Variants in TPTE observed in about 807,000 individuals in gnomAD.
TPTE encodes the protein putative tyrosine-protein phosphatase TPTE.
Under a neutral mutation model 84.1 loss-of-function variants are expected in TPTE, and 59 were observed. The ratio of observed to expected loss-of-function variants is 0.70; its 90% CI spans 0.57 to 0.87. TPTE has a LOEUF of 0.87. Ranked by LOEUF, TPTE falls within the 40% of genes least tolerant of loss-of-function variation. The pLI is 0.00. For missense variants in TPTE, 382 were observed against 659.6 expected (o/e 0.58, Z 4.61); for synonymous variants, 130 against 223.5 (o/e 0.58, Z 3.73).
intron 18 of TPTE, 113 bp from the exon 19 acceptor site, chr21:10,592,180 A>C: frequency 1.3e-6 from 2 of 1,549,742 alleles, no homozygotes; most frequent in Non-Finnish European, 1.8e-6. Flanking sequence ...CAAACAAACA[A>C]ACAAAATCAC....
intron 10 of TPTE, among the ~76,000 whole-genome samples, chr21:10,562,450 T>C (rs1483419606): frequency 6.6e-6 from 1 of 152,312 alleles, no homozygotes; most frequent in African/African-American, 2.4e-5. Flanking sequence ...AACAGAGATA[T>C]GTGACCTTTC....
At chr21:10,555,879 C>A (rs1333406369) in intron 8 of TPTE, among the ~76,000 whole-genome samples, 1 of 152,310 alleles carries the variant, frequency 6.6e-6, no homozygotes, top group Non-Finnish European at 1.5e-5. Context: ...TGGACTCGTA[C>A]CTGTGAAAGA....
chr21:10,535,080 A>G (rs1911455139), intron 3 of TPTE, among the ~76,000 whole-genome samples: 4 of 152,302 alleles, frequency 2.6e-5, no homozygotes, highest in Admixed American at 2.0e-4. Flanking sequence ...CCTCTTTGCT[A>G]GCTTTTTCTG....
At position 10,598,274 on chromosome 21, in the gene TPTE, T is replaced by G. The variant is rs212142; in HGVS notation, c.1356+180T>G. 0.11 allele frequency among the ~76,000 whole-genome samples: 14,591 copies of G among 131,764 alleles called. No homozygotes were observed. The highest frequency in any genetic ancestry group is 0.12 in the Non-Finnish European group (6,857 of 59,294). 86.4% of individuals were successfully genotyped at this position (131,764 alleles called of 152,430 possible). On this transcript the variant is annotated intron_variant, in intron 21 of 23. Coordinates refer to ENST00000618007, the MANE Select transcript of TPTE (RefSeq NM_199261.4). ...GCAAACCAGAGATAAATTAACCTGT[T>G]TGTTCAAAACAGTTTTTTCAGGGTG... is the stretch of plus-strand genomic sequence containing the variant.
intron 7 of TPTE, among the ~76,000 whole-genome samples, chr21:10,546,295 C>A (rs1458372919): frequency 6.6e-6 from 1 of 152,308 alleles, no homozygotes; most frequent in Non-Finnish European, 1.5e-5. Context: ...ATTAAGATGA[C>A]AAGCCTAATC....
At chr21:10,576,848 T>C (rs1430480779) in intron 14 of TPTE, among the ~76,000 whole-genome samples, 736 of 21,938 alleles carry the variant, frequency 0.034, no homozygotes, top group African/African-American at 0.22. Flanking sequence ...CATATATATA[T>C]ATATATATAT....
intron 7 of TPTE, among the ~76,000 whole-genome samples, chr21:10,552,436 A>C (rs1427346046): frequency 6.6e-6 from 1 of 152,300 alleles, no homozygotes; most frequent in African/African-American, 2.4e-5. Context: ...AAAGAAGATA[A>C]AAATATGCAA....
intron 17 of TPTE, among the ~76,000 whole-genome samples, chr21:10,586,699 A>C (rs1456031542): frequency 1.3e-5 from 2 of 152,304 alleles, no homozygotes; most frequent in Non-Finnish European, 1.5e-5. Flanking sequence ...TGTTTTTAGT[A>C]ATTACTGTAA....
chr21:10,575,836 A>C (rs1383873472), intron 14 of TPTE, among the ~76,000 whole-genome samples: 2 of 152,302 alleles, frequency 1.3e-5, no homozygotes, highest in Non-Finnish European at 1.5e-5. Context: ...GAAAAAAAAA[A>C]ACTCAACATC....
Position 10,605,663 on chromosome 21 carries a change from T to C in TPTE, c.*111T>C. On this transcript the variant is annotated 3_prime_UTR_variant, in exon 24 of 24. Coordinates refer to ENST00000618007, the MANE Select transcript of TPTE (RefSeq NM_199261.4). ...TGTTCCTTGAAGTATTTATTTATGT[T>C]TATATATGTTTATATATGTTCTTCA... The C allele has an allele frequency of 6.8e-7, 1 of 1,473,984 alleles. No individual in the cohort carries two copies. The allele number at this position is 1,473,984 out of a possible 1,614,324, so 91.3% of individuals were successfully genotyped here.
intron 3 of TPTE, among the ~76,000 whole-genome samples, chr21:10,528,655 T>C (rs2074124125): frequency 6.6e-6 from 1 of 152,308 alleles, no homozygotes; most frequent in South Asian, 2.1e-4. Flanking sequence ...GTTTGTGTTA[T>C]ACTCAGAAAG....
chr21:10,543,077 C>T (rs534485140), intron 6 of TPTE, among the ~76,000 whole-genome samples: 1,276 of 111,724 alleles, frequency 0.011, 34 homozygotes, highest in Non-Finnish European at 0.011. Flanking sequence ...GGCCGGACTG[C>T]GGACTGCAGT....
At chr21:10,545,582 G>A (rs2074450159) in intron 7 of TPTE, among the ~76,000 whole-genome samples, 1 of 152,304 alleles carries the variant, frequency 6.6e-6, no homozygotes, top group African/African-American at 2.4e-5. Context: ...CAATGGTGGT[G>A]TCATTGAAAA....
At chr21:10,522,478 G>C (rs1260329423) in intron 1 of TPTE, among the ~76,000 whole-genome samples, 2 of 152,312 alleles carry the variant, frequency 1.3e-5, no homozygotes, top group Non-Finnish European at 2.9e-5. Flanking sequence ...TCGGCGTAGG[G>C]TCCCCAGCGA....
intron 8 of TPTE, among the ~76,000 whole-genome samples, chr21:10,557,565 G>A (rs1352383374): frequency 3.1e-3 from 471 of 152,194 alleles, no homozygotes; most frequent in African/African-American, 0.011. Flanking sequence ...TAAGGGAATG[G>A]CAACTTGAGG....
At chr21:10,604,341 C>G (rs1469025284) in intron 23 of TPTE, among the ~76,000 whole-genome samples, 1 of 152,424 alleles carries the variant, frequency 6.6e-6, no homozygotes. Context: ...TTTTTTGTGT[C>G]AACCATACTC....
chr21:10,566,977 C>CAAAAAAAAAA (rs141155041), intron 10 of TPTE, among the ~76,000 whole-genome samples: 1 of 126,112 alleles, frequency 7.9e-6, no homozygotes. Context: ...AACTCCATCT[C>CAAAAAAAAAA]AAAAAAAAAA....
chr21:10,572,189 C>A (rs2075057675), intron 14 of TPTE, among the ~76,000 whole-genome samples: 1 of 152,306 alleles, frequency 6.6e-6, no homozygotes, highest in East Asian at 1.9e-4. Flanking sequence ...GTGTCTCACA[C>A]CTGTAATCCC....
At chr21:10,548,516 G>T (rs1204396479) in intron 7 of TPTE, among the ~76,000 whole-genome samples, 17 of 152,302 alleles carry the variant, frequency 1.1e-4, no homozygotes, top group Admixed American at 1.0e-3. Context: ...CCCCTGGCAG[G>T]CACCACCCAG....
Sources: gnomAD v4.1 joint callset for allele counts (sites outside exome capture counted in the v4.1 genomes callset) on GRCh38, gnomAD v4.1.1 for gene constraint, MANE v1.5 for transcripts, NCBI Gene and HGNC (gene_info 2026-07-23, HGNC 2026-07-21) for gene names.